PREX1: variants seen among roughly 807,000 people sequenced by gnomAD.
PREX1 encodes phosphatidylinositol-3,4,5-trisphosphate dependent Rac exchange factor 1, also known as phosphatidylinositol 3,4,5-trisphosphate-dependent Rac exchanger 1 protein.
PREX1 carries 41 observed loss-of-function variants against 198.3 expected under a neutral mutation model. The observed-to-expected ratio is 0.21, with a 90% CI of 0.16 to 0.27. The LOEUF is 0.27. PREX1 is among the 10% of genes least tolerant of loss of function. The pLI, the probability that PREX1 is intolerant of heterozygous loss-of-function variation, is 1.00. For missense variants in PREX1, 1,620 were observed against 2,200.7 expected, an observed-to-expected ratio of 0.74 and a Z score of 5.28; for synonymous variants, 843 against 887.2, an observed-to-expected ratio of 0.95 and a Z score of 0.89.
chr20:48,629,580 G>A lies in PREX1; in HGVS notation c.4635C>T (p.Leu1545=), dbSNP rs2089297949. 3.1e-6 allele frequency: 5 copies of A among 1,614,158 alleles called. No homozygotes were observed. The highest frequency in any genetic ancestry group is 1.6e-4 in the Middle Eastern group (1 of 6,062). ...GCTTTGGGTGGACAAAGGACTTCAT[G>A]AGGCGGCAGAGCTCATCCAGGGCAT... ...PINALDELCR[L]MKSFVHPKPG... Residue 1545 remains leucine (L), a synonymous_variant, in exon 37 of 40, where the codon CTC becomes CTT. Coordinates refer to ENST00000371941, the MANE Select transcript of PREX1 (RefSeq NM_020820.4).
At chr20:48,730,199 C>T (rs1167541587) in intron 4 of PREX1, among the ~76,000 whole-genome samples, 5 of 151,712 alleles carry the variant, frequency 3.3e-5, no homozygotes, top group African/African-American at 4.9e-5. Flanking sequence ...GAAATGCAAA[C>T]AAGACCCTCC....
chr20:48,744,817 G>C (rs1456506866), intron 3 of PREX1, among the ~76,000 whole-genome samples: 4 of 152,186 alleles, frequency 2.6e-5, no homozygotes, highest in African/African-American at 9.6e-5. Context: ...AGGGAAAGGA[G>C]AGTCACTAAA....
At chr20:48,733,901 C>A (rs1406278412) in intron 4 of PREX1, among the ~76,000 whole-genome samples, 1 of 152,120 alleles carries the variant, frequency 6.6e-6, no homozygotes, top group Non-Finnish European at 1.5e-5. Flanking sequence ...GAGGCACATG[C>A]CGCCACGCCC....
chr20:48,734,238 T>G (rs554084987), intron 4 of PREX1, among the ~76,000 whole-genome samples: 1 of 152,340 alleles, frequency 6.6e-6, no homozygotes, highest in African/African-American at 2.4e-5. Flanking sequence ...CCTCTGCCTG[T>G]TTTTGTAAAT....
chr20:48,642,307 A>G (rs375172577), intron 28 of PREX1, 49 bp from the exon 29 acceptor site: 122 of 1,606,796 alleles, frequency 7.6e-5, no homozygotes, highest in South Asian at 6.6e-4. Flanking sequence ...GGCCCTACAC[A>G]CTGCAGACAT....
At position 48,639,811 on chromosome 20, in the gene PREX1, T is replaced by G. The variant is rs768474088; in HGVS notation, c.3859A>C (p.Asn1287His). ...TTGTCCACCAGGGTCTTGATGGAGT[T>G]GGGGAGGTTCCAGGGGTCCTCCTGG... ...SIQEDPWNLP[N>H]SIKTLVDNIQ... Residue 1287 changes from asparagine to histidine, a missense_variant, in exon 30 of 40, where the codon AAC becomes CAC. Physicochemically the swap from Asn to His is moderately conservative, Grantham distance 68. This residue lies in a region of PREX1 where 476 missense variants were observed against 603.4 expected (regional missense o/e 0.79). Transcript: ENST00000371941. The G allele has an allele frequency of 1.9e-6, 3 of 1,614,098 alleles. No individual in the cohort carries two copies. The highest frequency in any genetic ancestry group is 2.5e-6 in the Non-Finnish European group (3 of 1,180,002).
At chr20:48,855,109 G>T in the PREX1 span, among the ~76,000 whole-genome samples, 17 of 152,114 alleles carry the variant, frequency 1.1e-4, no homozygotes, top group Non-Finnish European at 2.4e-4. Context: ...GTACTAGTGA[G>T]CAAGGTATAA....
chr20:48,694,279 A>G (rs1278096475), intron 7 of PREX1, among the ~76,000 whole-genome samples: 1 of 152,232 alleles, frequency 6.6e-6, no homozygotes, highest in African/African-American at 2.4e-5. Context: ...GGACTAAAAC[A>G]GTCACTCAAC....
chr20:48,680,049 G>A (rs2089739149), intron 11 of PREX1, among the ~76,000 whole-genome samples: 3 of 152,182 alleles, frequency 2.0e-5, no homozygotes, highest in African/African-American at 4.8e-5. Context: ...ACCCAGAAAT[G>A]CCCCTGATCC....
In PREX1 at chr20:48,649,430, G is replaced by C. The variant is rs568095089; in HGVS notation, c.3175C>G (p.Gln1059Glu). The C allele has an allele frequency of 3.1e-6, 5 of 1,614,154 alleles. No individual in the cohort carries two copies. The East Asian group carries it at 1.1e-4, about 36-fold the overall frequency. The change falls in exon 25 of 40, where the codon CAG (glutamine) becomes GAG (glutamate). Residue 1059 changes from glutamine (Q) to glutamate (E), a missense_variant. Around this residue, in one of 7 missense-constraint regions of PREX1, gnomAD observed 514 missense variants for 611.6 expected, o/e 0.84. Transcript: ENST00000371941. Reference protein sequence around the residue: ...SFGPASGTLGQEDRGLSFLLK... With the variant: ...SFGPASGTLGEEDRGLSFLLK... ...AGGAAGCTGAGGCCCCGGTCTTCCT[G>C]ACCAAGGGTCCCACTGGCTGGCCCG... is the stretch of plus-strand genomic sequence containing the variant.
intron 7 of PREX1, among the ~76,000 whole-genome samples, chr20:48,693,297 G>A (rs2123050537): frequency 6.6e-6 from 1 of 152,280 alleles, no homozygotes; most frequent in East Asian, 1.9e-4. Context: ...TAGTCTAAAT[G>A]TTGGTGTCCC....
Position 48,775,486 on chromosome 20 carries a change from G to A in PREX1, c.220-27606C>T, listed in dbSNP as rs192056896. 1.1e-3 allele frequency among the ~76,000 whole-genome samples: 161 copies of A among 152,210 alleles called. 1 individual carries two copies. The highest frequency in any genetic ancestry group is 1.7e-3 in the Non-Finnish European group (113 of 67,992). On this transcript the variant is annotated intron_variant, in intron 1 of 39. Coordinates refer to ENST00000371941, the MANE Select transcript of PREX1 (RefSeq NM_020820.4). ...AGCAGGGGCCTGCTTGGTGCACAGGGACAACAAGGAGACCACAATGGCTGG... is the reference window on the plus strand; with the variant it reads ...AGCAGGGGCCTGCTTGGTGCACAGGAACAACAAGGAGACCACAATGGCTGG...
chr20:48,665,313 C>CCCGG (rs1323648371), intron 15 of PREX1, among the ~76,000 whole-genome samples: 55 of 148,362 alleles, frequency 3.7e-4, no homozygotes, highest in African/African-American at 1.3e-3. Flanking sequence ...GAATTCTAAT[C>CCCGG]CTGGTTCCAG....
At chr20:48,867,810 C>G in the PREX1 span, among the ~76,000 whole-genome samples, 1 of 151,434 alleles carries the variant, frequency 6.6e-6, no homozygotes, top group East Asian at 1.9e-4. Flanking sequence ...AACAAACAAA[C>G]AAATAAATAA....
chr20:48,813,866 C>T (rs950313473), intron 1 of PREX1, among the ~76,000 whole-genome samples: 1 of 152,164 alleles, frequency 6.6e-6, no homozygotes, highest in Non-Finnish European at 1.5e-5. Context: ...TCCATAAGAG[C>T]GCCTGTAGCT....
intron 1 of PREX1, among the ~76,000 whole-genome samples, chr20:48,767,521 C>T (rs1028551029): frequency 3.3e-5 from 5 of 152,066 alleles, no homozygotes; most frequent in African/African-American, 1.2e-4. Context: ...TTCCACCTAA[C>T]TCAGAGAAGG....
chr20:48,811,630 A>C (rs544747047), intron 1 of PREX1, among the ~76,000 whole-genome samples: 2,045 of 105,024 alleles, frequency 0.019, 45 homozygotes, highest in South Asian at 0.098. Flanking sequence ...ACACCCCCCC[A>C]CACACACACA....
At chr20:48,665,040 A>G (rs1422670873) in intron 15 of PREX1, among the ~76,000 whole-genome samples, 118 of 79,862 alleles carry the variant, frequency 1.5e-3, no homozygotes, top group Admixed American at 2.5e-3. Flanking sequence ...TCTAATCCCG[A>G]CTCCAGACGG....
intron 10 of PREX1, among the ~76,000 whole-genome samples, chr20:48,685,566 C>T (rs1019527192): frequency 2.0e-5 from 3 of 152,192 alleles, no homozygotes; most frequent in Non-Finnish European, 4.4e-5. Context: ...CAATGTCACA[C>T]AGCTAGAAAG....
Sources: gnomAD v4.1 joint callset for allele counts (sites outside exome capture counted in the v4.1 genomes callset) on GRCh38, gnomAD v4.1.1 for gene constraint, gnomAD v4.1.1 regional missense constraint, MANE v1.5 for transcripts, NCBI Gene and HGNC (gene_info 2026-07-23, HGNC 2026-07-21) for gene names.